The following DLG2 variants were observed in gnomAD, a reference collection of about 807,000 sequenced individuals.
The protein encoded by DLG2 is discs large MAGUK scaffold protein 2.
A neutral mutation model predicts 132.5 loss-of-function variants in DLG2; 45 were observed. The observed-to-expected ratio is 0.34, with a 90% CI of 0.27 to 0.44. The LOEUF is 0.44. DLG2 is among the 20% of genes least tolerant of loss of function. The probability of loss-of-function intolerance (pLI) is 1.00; values close to 1 mark genes in which losing one functional copy is unlikely to be tolerated. For missense variants in DLG2, 1,045 were observed against 1,196.9 expected (o/e 0.87, Z 1.87); for synonymous variants, 424 against 419.6 (o/e 1.01, Z -0.13).
chr11:84,873,834 C>G lies in DLG2; in HGVS notation c.357+237827G>C, dbSNP rs994364421. ...ACAATCTATTGATAAGCCAACTGCTCCTTATCTGAATAAAATTAGCAGATC... is the reference window on the plus strand; with the variant it reads ...ACAATCTATTGATAAGCCAACTGCTGCTTATCTGAATAAAATTAGCAGATC... On this transcript the variant is annotated intron_variant, in intron 6 of 27. Coordinates refer to ENST00000376104, the MANE Select transcript of DLG2 (RefSeq NM_001142699.3). 5.9e-5 allele frequency among the ~76,000 whole-genome samples: 9 copies of G among 152,170 alleles called. No homozygotes were observed. The East Asian group carries it at 7.7e-4, about 13-fold the overall frequency.
At chr11:83,921,845 T>C (rs947624941) in intron 15 of DLG2, among the ~76,000 whole-genome samples, 92 of 91,620 alleles carry the variant, frequency 1.0e-3, no homozygotes, top group African/African-American at 4.8e-3. Context: ...ATTATCTCAC[T>C]TTTAACTTTT....
At chr11:84,466,273 T>C (rs1459395319) in intron 7 of DLG2, among the ~76,000 whole-genome samples, 3 of 151,242 alleles carry the variant, frequency 2.0e-5, no homozygotes, top group Non-Finnish European at 4.4e-5. Context: ...AATTTTCTAA[T>C]AACCTAAGAG....
intron 15 of DLG2, among the ~76,000 whole-genome samples, chr11:83,928,592 G>T (rs951461193): frequency 1.7e-4 from 26 of 152,174 alleles, no homozygotes; most frequent in African/African-American, 6.3e-4. Context: ...AAAGAGAAAT[G>T]GGGGGAAATT....
At chr11:85,136,627 G>A in intron 5 of DLG2, among the ~76,000 whole-genome samples, 1 of 152,256 alleles carries the variant, frequency 6.6e-6, no homozygotes, top group East Asian at 1.9e-4. Flanking sequence ...TTGATTCTTA[G>A]TAAAACCTAT....
At chr11:83,789,298 G>A (rs1393015561) in intron 17 of DLG2, among the ~76,000 whole-genome samples, 1 of 144,248 alleles carries the variant, frequency 6.9e-6, no homozygotes, top group Non-Finnish European at 1.5e-5. Context: ...TTTGAAAATG[G>A]GCCATTTAAA....
chr11:84,725,154 T>A (rs1276471312), intron 6 of DLG2, among the ~76,000 whole-genome samples: 1 of 152,142 alleles, frequency 6.6e-6, no homozygotes, highest in African/African-American at 2.4e-5. Flanking sequence ...CCAAGCCACC[T>A]GATTTGAGGA....
chr11:85,523,796 A>T (rs763679673), intron 3 of DLG2, among the ~76,000 whole-genome samples: 1 of 152,214 alleles, frequency 6.6e-6, no homozygotes, highest in Non-Finnish European at 1.5e-5. Flanking sequence ...TTATTGCAGC[A>T]CTATTTACAA....
intron 7 of DLG2, among the ~76,000 whole-genome samples, chr11:84,484,404 A>G (rs1179241045): frequency 6.6e-6 from 1 of 152,128 alleles, no homozygotes; most frequent in African/African-American, 2.4e-5. Flanking sequence ...AGATAAATCC[A>G]TCTTAGAATT....
chr11:83,929,592 G>A (rs145744188), intron 15 of DLG2, among the ~76,000 whole-genome samples: 1,801 of 152,282 alleles, frequency 0.012, 19 homozygotes, highest in South Asian at 0.026. Context: ...GTTGTTGAAA[G>A]ACTCAAAACA....
intron 18 of DLG2, among the ~76,000 whole-genome samples, chr11:83,784,508 C>A (rs1392782983): frequency 1.3e-5 from 2 of 152,156 alleles, no homozygotes; most frequent in African/African-American, 2.4e-5. Context: ...CCAATCTGTA[C>A]TTTGGCATTT....
chr11:84,042,670 AG>A (rs1386758986), intron 11 of DLG2, among the ~76,000 whole-genome samples: 1 of 151,854 alleles, frequency 6.6e-6, no homozygotes, highest in Non-Finnish European at 1.5e-5. Flanking sequence ...TTTGTTACAT[AG>A]GTAAATGTGT....
At chr11:84,324,495 A>T (rs2098421046) in intron 7 of DLG2, among the ~76,000 whole-genome samples, 2 of 151,334 alleles carry the variant, frequency 1.3e-5, no homozygotes, top group African/African-American at 2.4e-5. Context: ...TTTCAGATTT[A>T]CTCTTCTTTC....
chr11:84,563,034 T>C lies in DLG2; in HGVS notation c.358-28303A>G, dbSNP rs185729040. On this transcript the variant is annotated intron_variant, in intron 6 of 27. Transcript: ENST00000376104. ...CCCAAAATGCTGTGATTACCAACTT[T>C]TATAAAACCACATTTCAACTCCATT... Among the ~76,000 whole-genome samples, 40 of 152,312 alleles carry C rather than the reference T, an allele frequency of 2.6e-4. No individual in the cohort carries two copies. In the East Asian group the frequency reaches 7.5e-3, roughly 29 times the overall value.
At position 85,117,173 on chromosome 11, in the gene DLG2, C is replaced by T. The variant is rs911360232; in HGVS notation, c.283-5438G>A. The stretch of plus-strand genomic sequence containing the variant: ...ACAACCCTCCATATAGGGTGGGCTG[C>T]TGTAAAATGTGACGCTAAGGAAATG... On this transcript the variant is annotated intron_variant, in intron 5 of 27. Coordinates refer to ENST00000376104, the MANE Select transcript of DLG2 (RefSeq NM_001142699.3). 2.6e-5 allele frequency among the ~76,000 whole-genome samples: 4 copies of T among 151,962 alleles called. No homozygotes were observed. In the East Asian group the frequency reaches 7.7e-4, roughly 29 times the overall value.
At chr11:84,890,419 T>G (rs1057418465) in intron 6 of DLG2, among the ~76,000 whole-genome samples, 4 of 152,168 alleles carry the variant, frequency 2.6e-5, no homozygotes, top group Admixed American at 2.6e-4. Flanking sequence ...CATATTCTTA[T>G]AAGAATTGGG....
At chr11:85,004,120 T>C (rs181242528) in intron 6 of DLG2, among the ~76,000 whole-genome samples, 10 of 152,214 alleles carry the variant, frequency 6.6e-5, no homozygotes, top group Non-Finnish European at 1.2e-4. Flanking sequence ...CAGTCTATCA[T>C]TGATGGGCAT....
chr11:84,616,944 C>G (rs1229384429), intron 6 of DLG2, among the ~76,000 whole-genome samples: 1 of 151,236 alleles, frequency 6.6e-6, no homozygotes, highest in Non-Finnish European at 1.5e-5. Flanking sequence ...AAATGTGAAT[C>G]AGATATCATC....
At chr11:84,636,944 C>T (rs573094895) in intron 6 of DLG2, among the ~76,000 whole-genome samples, 2 of 144,662 alleles carry the variant, frequency 1.4e-5, no homozygotes, top group Admixed American at 1.3e-4. Context: ...ACCACACCTG[C>T]TAATTTTTTT....
At chr11:84,649,583 T>C (rs921396796) in intron 6 of DLG2, among the ~76,000 whole-genome samples, 3 of 152,234 alleles carry the variant, frequency 2.0e-5, no homozygotes, top group African/African-American at 7.2e-5. Context: ...TTTTGTAACA[T>C]GTTTTTAAAC....
Sources: allele counts gnomAD v4.1 joint callset (sites outside exome capture counted in the v4.1 genomes callset), GRCh38; gene constraint gnomAD v4.1.1; transcripts MANE v1.5; gene names NCBI Gene and HGNC (gene_info 2026-07-23, HGNC 2026-07-21).